DPP10: variants seen among roughly 807,000 people sequenced by gnomAD.
DPP10 encodes the protein inactive dipeptidyl peptidase 10.
In DPP10, 33 loss-of-function variants were observed where a neutral mutation model predicts 120.9. The observed-to-expected ratio is 0.27, with a 90% confidence interval of 0.21 to 0.37. The LOEUF (loss-of-function observed/expected upper bound fraction) is 0.37. DPP10 is among the 10% of genes least tolerant of loss of function. The pLI, the probability that DPP10 is intolerant of heterozygous loss-of-function variation, is 1.00. For missense variants in DPP10, 816 were observed against 942.8 expected (o/e 0.87, Z 1.76); for synonymous variants, 337 against 326.1 (o/e 1.03, Z -0.36).
chr2:115,187,283 G>T, intron 1 of DPP10, among the ~76,000 whole-genome samples: 1 of 151,682 alleles, frequency 6.6e-6, no homozygotes, highest in Non-Finnish European at 1.5e-5. Context: ...TGATCCACCC[G>T]CCTCGGCCTC....
At chr2:115,026,143 T>G (rs1274535202) in intron 1 of DPP10, among the ~76,000 whole-genome samples, 4 of 152,216 alleles carry the variant, frequency 2.6e-5, no homozygotes, top group Non-Finnish European at 5.9e-5. Flanking sequence ...TTTAGTAGTT[T>G]CATAGTTTCA....
intron 1 of DPP10, among the ~76,000 whole-genome samples, chr2:114,889,499 C>A: frequency 6.6e-6 from 1 of 151,498 alleles, no homozygotes; most frequent in South Asian, 2.1e-4. Flanking sequence ...TTGGGCTTAC[C>A]ATTGTCATTT....
At position 115,391,433 on chromosome 2, in the gene DPP10, C is replaced by A. The variant is rs536517806; in HGVS notation, c.271+47521C>A. 7.9e-4 allele frequency among the ~76,000 whole-genome samples: 120 copies of A among 152,088 alleles called. 1 individual carries two copies. Among genetic ancestry groups the A allele is most frequent in the African/African-American group, 2.7e-3 (111 of 41,506 alleles). ...TATATGAGAATACACTGAGTAAATA[C>A]CAGATGTAGAAGGAAAGGATTTTGA... On this transcript the variant is annotated intron_variant, in intron 3 of 25. Coordinates refer to ENST00000410059, the MANE Select transcript of DPP10 (RefSeq NM_020868.6).
At chr2:115,282,648 A>C (rs1197848792) in intron 1 of DPP10, among the ~76,000 whole-genome samples, 1 of 152,118 alleles carries the variant, frequency 6.6e-6, no homozygotes, top group Non-Finnish European at 1.5e-5. Flanking sequence ...ATCTGTAACT[A>C]TAGTTTCTCA....
At chr2:114,998,871 C>G (rs1411362751) in intron 1 of DPP10, among the ~76,000 whole-genome samples, 1 of 152,112 alleles carries the variant, frequency 6.6e-6, no homozygotes, top group Non-Finnish European at 1.5e-5. Flanking sequence ...TTTTTTGGAC[C>G]TTTCTTCCAT....
intron 1 of DPP10, among the ~76,000 whole-genome samples, chr2:115,088,727 C>T (rs1266511103): frequency 9.2e-6 from 1 of 108,534 alleles, no homozygotes; most frequent in Non-Finnish European, 1.7e-5. Flanking sequence ...ATTAGGATTA[C>T]AGCTGTGAGC....
intron 3 of DPP10, among the ~76,000 whole-genome samples, chr2:115,410,615 T>G (rs1457263005): frequency 6.6e-6 from 1 of 152,120 alleles, no homozygotes; most frequent in East Asian, 1.9e-4. Flanking sequence ...ACCTGGCACT[T>G]AAAAGCTGAA....
intron 1 of DPP10, among the ~76,000 whole-genome samples, chr2:114,526,606 G>A (rs939061406): frequency 6.6e-6 from 1 of 152,158 alleles, no homozygotes; most frequent in African/African-American, 2.4e-5. Context: ...TCTGGAGACT[G>A]GGAAGTCCAA....
chr2:114,763,817 A>G (rs972306535), intron 1 of DPP10, among the ~76,000 whole-genome samples: 1 of 152,204 alleles, frequency 6.6e-6, no homozygotes, highest in African/African-American at 2.4e-5. Context: ...TTTTCAGTCA[A>G]GCTTGAATAT....
chr2:114,470,804 G>A (rs1388701885), intron 1 of DPP10, among the ~76,000 whole-genome samples: 1 of 152,196 alleles, frequency 6.6e-6, no homozygotes, highest in South Asian at 2.1e-4. Context: ...ACACTTGAAA[G>A]TGGAATACAA....
intron 3 of DPP10, among the ~76,000 whole-genome samples, chr2:115,496,378 T>C (rs777498591): frequency 3.4e-5 from 3 of 88,340 alleles, no homozygotes; most frequent in Non-Finnish European, 5.0e-5. Context: ...CAAATCTCAA[T>C]TCTCTGTAGA....
At chr2:114,461,992 G>A (rs752462299) in intron 1 of DPP10, 46 of 985,228 alleles carry the variant, frequency 4.7e-5, no homozygotes, top group Non-Finnish European at 5.4e-5. Flanking sequence ...CTGCTGAATC[G>A]AAAGGAAGTG....
rs147072236 is a variant in DPP10, at chr2:115,375,888, C to T, written c.271+31976C>T. Among the ~76,000 whole-genome samples, 644 of 152,320 alleles carry T rather than the reference C, an allele frequency of 4.2e-3. 3 individuals are homozygous for T. Among genetic ancestry groups the T allele is most frequent in the Non-Finnish European group, 6.6e-3 (451 of 68,036 alleles). On this transcript the variant is annotated intron_variant, in intron 3 of 25. Transcript: ENST00000410059. ...ATCCACACCCATGATCCAGTCACCT[C>T]CCATCAGACCCATTCCCCAACATGG...
At chr2:115,184,425 C>T (rs1300097765) in intron 1 of DPP10, among the ~76,000 whole-genome samples, 8 of 152,152 alleles carry the variant, frequency 5.3e-5, no homozygotes, top group Non-Finnish European at 1.0e-4. Flanking sequence ...GTAGAAGACA[C>T]GTGTGAAATC....
At chr2:114,625,916 A>C (rs549824452) in intron 1 of DPP10, among the ~76,000 whole-genome samples, 1 of 151,902 alleles carries the variant, frequency 6.6e-6, no homozygotes, top group Non-Finnish European at 1.5e-5. Flanking sequence ...TAGAGACCAA[A>C]ATCTAGGAGT....
At position 115,525,951 on chromosome 2, in the gene DPP10, T is replaced by C. The variant is rs758972080; in HGVS notation, c.420T>C (p.Leu140=). The C allele has an allele frequency of 6.2e-7, 1 of 1,610,820 alleles. No individual in the cohort carries two copies. Among genetic ancestry groups the C allele is most frequent in the East Asian group, 2.2e-5 (1 of 44,756 alleles). ...HSVSPDLKYV[L]LAYDVKQIFH... The stretch of plus-strand genomic sequence containing the variant: ...TTTCACCAGATTTAAAATATGTCCT[T>C]CTGGCATATGATGTCAAACAGGTAA... The change falls in exon 5 of 26, where the codon CTT becomes CTC. Residue 140 remains leucine (L), a synonymous_variant. Transcript: ENST00000410059.
intron 5 of DPP10, among the ~76,000 whole-genome samples, chr2:115,656,586 T>C (rs961507761): frequency 2.6e-5 from 4 of 151,686 alleles, no homozygotes; most frequent in African/African-American, 9.7e-5. Flanking sequence ...TGTATTTCAA[T>C]ATTGCAAAAA....
intron 3 of DPP10, among the ~76,000 whole-genome samples, chr2:115,442,034 G>A (rs1336205813): frequency 1.3e-5 from 2 of 151,648 alleles, no homozygotes; most frequent in East Asian, 1.9e-4. Flanking sequence ...GGATGGTGTC[G>A]ATCTCTTGAC....
chr2:115,836,527 T>C lies in DPP10; in HGVS notation c.2071T>C (p.Tyr691His). The change falls in exon 23 of 26, where the codon TAC (tyrosine) becomes CAC (histidine). Residue 691 changes from tyrosine to histidine, a missense_variant. Around this residue, in one of 3 missense-constraint regions of DPP10, gnomAD observed 592 missense variants for 649.0 expected, o/e 0.91. Transcript: ENST00000410059. Reference sequence around the variant, plus strand: ...CACAGCCTCAGCTTTCTCTGAAAGATACCTTGGGATGCCATCTAAGGAAGA... The same window carrying C: ...CACAGCCTCAGCTTTCTCTGAAAGACACCTTGGGATGCCATCTAAGGAAGA... ...KLYASAFSER[Y>H]LGMPSKEEST... 2 of 1,613,786 alleles carry C rather than the reference T, an allele frequency of 1.2e-6. No individual in the cohort carries two copies. The highest frequency in any genetic ancestry group is 4.5e-5 in the East Asian group (2 of 44,842).
Sources: gnomAD v4.1 joint callset for allele counts (sites outside exome capture counted in the v4.1 genomes callset) on GRCh38, gnomAD v4.1.1 for gene constraint, gnomAD v4.1.1 regional missense constraint, MANE v1.5 for transcripts, NCBI Gene and HGNC (gene_info 2026-07-23, HGNC 2026-07-21) for gene names.